SLC30A8: variants seen among roughly 807,000 people sequenced by gnomAD.
SLC30A8 encodes proton-coupled zinc antiporter SLC30A8.
Under a neutral mutation model 36.9 loss-of-function variants are expected in SLC30A8, and 27 were observed. The observed-to-expected ratio is 0.73, with a 90% confidence interval of 0.54 to 1.01. The LOEUF (loss-of-function observed/expected upper bound fraction) is 1.01, where lower values mean the gene tolerates loss of function less well. Ranked by LOEUF, SLC30A8 falls within the 50% of genes least tolerant of loss-of-function variation. The pLI is 0.00. For synonymous variants in SLC30A8, 164 were observed against 172.4 expected (o/e 0.95, Z 0.38); for missense variants, 439 against 452.0 (o/e 0.97, Z 0.26).
intron 2 of SLC30A8, among the ~76,000 whole-genome samples, chr8:117,102,184 T>A (rs938901704): frequency 6.6e-6 from 1 of 152,218 alleles, no homozygotes; most frequent in African/African-American, 2.4e-5. Flanking sequence ...TTCAATTTAC[T>A]TGAATTTTAG....
At chr8:116,975,515 G>A (rs1814966384) in intron 1 of SLC30A8, among the ~76,000 whole-genome samples, 1 of 152,154 alleles carries the variant, frequency 6.6e-6, no homozygotes, top group African/African-American at 2.4e-5. Flanking sequence ...GGCTGGAAGG[G>A]TCATGAGCAT....
chr8:117,006,519 C>T (rs1455749865), intron 1 of SLC30A8, among the ~76,000 whole-genome samples: 1 of 152,150 alleles, frequency 6.6e-6, no homozygotes, highest in East Asian at 1.9e-4. Context: ...TTACTGGCCA[C>T]AGAGGAGTTC....
intron 2 of SLC30A8, among the ~76,000 whole-genome samples, chr8:117,125,814 CTTAAAT>C (rs1321414490): frequency 1.3e-5 from 2 of 151,824 alleles, no homozygotes; most frequent in African/African-American, 4.8e-5. Flanking sequence ...TACAAATGTA[CTTAAAT>C]TTAAATAGCA....
chr8:117,035,650 A>C (rs1355196911), intron 1 of SLC30A8, among the ~76,000 whole-genome samples: 2 of 152,198 alleles, frequency 1.3e-5, no homozygotes, highest in Non-Finnish European at 2.9e-5. Context: ...CACACCACAC[A>C]TTTCCCTTTC....
chr8:117,004,691 C>A lies in SLC30A8; in HGVS notation c.-265-34528C>A, dbSNP rs139960060. Among the ~76,000 whole-genome samples, 302 of 152,190 alleles carry A rather than the reference C, an allele frequency of 2.0e-3. 1 individual carries two copies. Among genetic ancestry groups the A allele is most frequent in the African/African-American group, 6.9e-3 (286 of 41,526 alleles). ...TTAAACAGAAACCAAAAATTATGTA[C>A]ATAAGGATGCTTTCTCTTACATTTG... On this transcript the variant is annotated intron_variant, in intron 1 of 10. Transcript: ENST00000427715.
chr8:117,148,653 T>A (rs1822015193), intron 2 of SLC30A8, among the ~76,000 whole-genome samples: 1 of 152,158 alleles, frequency 6.6e-6, no homozygotes, highest in Admixed American at 6.5e-5. Context: ...GTATTCAGCT[T>A]TCCCTCCAGG....
chr8:116,950,676 A>G (rs1188725516), upstream of SLC30A8: 1 of 152,176 alleles, frequency 6.6e-6, no homozygotes, highest in African/African-American at 2.4e-5. Flanking sequence ...ATTGGTACTG[A>G]GGGTACTAGT....
intron 2 of SLC30A8, among the ~76,000 whole-genome samples, chr8:117,113,739 T>C (rs921259276): frequency 4.6e-5 from 7 of 152,136 alleles, no homozygotes; most frequent in African/African-American, 1.7e-4. Context: ...ATTCAACCAA[T>C]TTAATAAAAC....
chr8:116,972,127 ATTT>A (rs1431075000), intron 1 of SLC30A8, among the ~76,000 whole-genome samples: 17 of 152,196 alleles, frequency 1.1e-4, no homozygotes, highest in Admixed American at 1.0e-3. Flanking sequence ...TTGTTCAAAA[ATTT>A]TTATTTTCTT....
chr8:116,966,468 G>C (rs1414180368), intron 1 of SLC30A8, among the ~76,000 whole-genome samples: 5 of 152,050 alleles, frequency 3.3e-5, no homozygotes, highest in Non-Finnish European at 7.4e-5. Context: ...ACAGAAGCAG[G>C]GAATGAGGCC....
At chr8:117,015,242 A>G (rs1021182615) in intron 1 of SLC30A8, among the ~76,000 whole-genome samples, 5 of 152,132 alleles carry the variant, frequency 3.3e-5, no homozygotes, top group Non-Finnish European at 7.4e-5. Context: ...GAGATTTAGG[A>G]CAAAAAACCA....
chr8:117,113,303 G>A (rs1381717997), intron 2 of SLC30A8, among the ~76,000 whole-genome samples: 1 of 152,154 alleles, frequency 6.6e-6, no homozygotes, highest in Non-Finnish European at 1.5e-5. Flanking sequence ...ACTGATACTG[G>A]TTGCCAGCTT....
At chr8:117,108,762 C>G (rs1820103997) in intron 2 of SLC30A8, among the ~76,000 whole-genome samples, 1 of 152,154 alleles carries the variant, frequency 6.6e-6, no homozygotes, top group African/African-American at 2.4e-5. Context: ...AACCAATATT[C>G]ATGACACAGA....
At chr8:116,996,450 C>G (rs1424875791) in intron 1 of SLC30A8, among the ~76,000 whole-genome samples, 1 of 152,144 alleles carries the variant, frequency 6.6e-6, no homozygotes, top group Non-Finnish European at 1.5e-5. Context: ...AATGGCTAAT[C>G]AAGCTAATTA....
chr8:116,954,712 G>T (rs1438123766), intron 1 of SLC30A8, among the ~76,000 whole-genome samples: 1 of 152,206 alleles, frequency 6.6e-6, no homozygotes, highest in Non-Finnish European at 1.5e-5. Context: ...TGGTTTTTAA[G>T]AGGAAAGGAG....
intron 4 of SLC30A8, among the ~76,000 whole-genome samples, chr8:117,160,013 T>A (rs1242204586): frequency 6.6e-6 from 1 of 152,210 alleles, no homozygotes; most frequent in Non-Finnish European, 1.5e-5. Context: ...AAGTAGATAG[T>A]TATTTATGGA....
intron 2 of SLC30A8, among the ~76,000 whole-genome samples, chr8:117,065,666 C>A: frequency 6.6e-6 from 1 of 152,008 alleles, no homozygotes. Flanking sequence ...TTTTTTGTGT[C>A]CCACTCTCTT....
At chr8:117,069,317 T>C (rs939848786) in intron 2 of SLC30A8, among the ~76,000 whole-genome samples, 2 of 152,154 alleles carry the variant, frequency 1.3e-5, no homozygotes, top group African/African-American at 4.8e-5. Context: ...ATTTAAAATA[T>C]TGGGGATATT....
At chr8:117,056,659 G>A (rs1817881237) in intron 2 of SLC30A8, among the ~76,000 whole-genome samples, 1 of 152,196 alleles carries the variant, frequency 6.6e-6, no homozygotes, top group Non-Finnish European at 1.5e-5. Context: ...GGGTGTCCTT[G>A]TCCATGCAAA....
Sources: gnomAD v4.1 joint callset for allele counts (sites outside exome capture counted in the v4.1 genomes callset) on GRCh38, gnomAD v4.1.1 for gene constraint, MANE v1.5 for transcripts, NCBI Gene and HGNC (gene_info 2026-07-23, HGNC 2026-07-21) for gene names.